The following GSDMC variants were observed in gnomAD, a reference collection of about 807,000 sequenced individuals.
GSDMC encodes gasdermin C.
In GSDMC, 59 loss-of-function variants were observed where a neutral mutation model predicts 58.0. The observed-to-expected ratio is 1.02, with a 90% CI of 0.82 to 1.26. GSDMC has a LOEUF of 1.26. Ranked by LOEUF, GSDMC falls within the 50% of genes most tolerant of loss-of-function variation. The pLI is 0.00. For synonymous variants in GSDMC, 241 were observed against 220.2 expected, an observed-to-expected ratio of 1.09 and a Z score of -0.83; for missense variants, 659 against 598.5, an observed-to-expected ratio of 1.10 and a Z score of -1.06.
chr8:129,708,783 T>A, the GSDMC span, among the ~76,000 whole-genome samples: 5 of 152,250 alleles, frequency 3.3e-5, no homozygotes, highest in Admixed American at 3.3e-4. Flanking sequence ...CTGAAATGCC[T>A]CTTCTAGCAC....
the GSDMC span, among the ~76,000 whole-genome samples, chr8:129,707,540 T>C: frequency 6.6e-6 from 1 of 152,216 alleles, no homozygotes; most frequent in South Asian, 2.1e-4. Flanking sequence ...TATAAGAGCA[T>C]TTAACTCAAA....
At chr8:129,762,586 C>G (rs1297445538) in intron 5 of GSDMC, 40 bp downstream of exon 5, 1 of 1,191,242 alleles carries the variant, frequency 8.4e-7, no homozygotes, top group Non-Finnish European at 1.3e-6. Context: ...CAGACACCCC[C>G]TCCACTGCCA....
At chr8:129,706,366 G>A in the GSDMC span, among the ~76,000 whole-genome samples, 1 of 152,148 alleles carries the variant, frequency 6.6e-6, no homozygotes, top group East Asian at 1.9e-4. Context: ...GGAAGAAAAG[G>A]AAAAACATGA....
At chr8:129,724,811 C>G in the GSDMC span, among the ~76,000 whole-genome samples, 2 of 151,964 alleles carry the variant, frequency 1.3e-5, no homozygotes, top group Non-Finnish European at 2.9e-5. Flanking sequence ...TGGGAGGGAG[C>G]TACCTATAGA....
At position 129,748,643 on chromosome 8, in the gene GSDMC, G is replaced by A. The variant is rs1204954355; in HGVS notation, c.1385C>T (p.Ala462Val). Residue 462 changes from alanine to valine, a missense_variant, in exon 14 of 14, where the codon GCC (alanine) becomes GTC (valine). By Grantham distance (64) the Ala-to-Val change is moderately conservative (BLOSUM62 0). Coordinates refer to ENST00000276708, the MANE Select transcript of GSDMC (RefSeq NM_031415.3). ...LLAPLQSEGL[A>V]ITYGLLEECG... ...CTCCTCCAGCAGGCCATAGGTGATG[G>A]CCAAACCCTCACTCTGGAGTGGGGC... 6.2e-7 allele frequency: 1 copy of A among 1,611,686 alleles called. No homozygotes were observed. The highest frequency in any genetic ancestry group is 1.3e-5 in the African/African-American group (1 of 74,862).
chr8:129,774,293 A>T (rs2034153256), intron 3 of GSDMC, among the ~76,000 whole-genome samples: 1 of 152,160 alleles, frequency 6.6e-6, no homozygotes, highest in Non-Finnish European at 1.5e-5. Flanking sequence ...AAGAAAAGAC[A>T]GTGAGATAAA....
chr8:129,746,536 A>G (rs913417713), downstream of GSDMC, among the ~76,000 whole-genome samples: 1 of 152,242 alleles, frequency 6.6e-6, no homozygotes, highest in African/African-American at 2.4e-5. Flanking sequence ...TTATTATAAG[A>G]GGAAATTTTC....
At chr8:129,758,009 G>T (rs2033508907) in intron 6 of GSDMC, among the ~76,000 whole-genome samples, 2 of 151,966 alleles carry the variant, frequency 1.3e-5, no homozygotes, top group Middle Eastern at 3.4e-3. Flanking sequence ...GAAAAGAAAA[G>T]AATTCATTAT....
At chr8:129,759,830 T>A (rs1036786224) in intron 6 of GSDMC, among the ~76,000 whole-genome samples, 1 of 151,984 alleles carries the variant, frequency 6.6e-6, no homozygotes, top group Admixed American at 6.6e-5. Context: ...AAAACTAGAG[T>A]TACCATATGA....
At chr8:129,765,320 C>A (rs1035505869) in intron 4 of GSDMC, among the ~76,000 whole-genome samples, 2 of 152,070 alleles carry the variant, frequency 1.3e-5, no homozygotes, top group African/African-American at 4.8e-5. Context: ...AACACAGTGG[C>A]CACTCATTTG....
At chr8:129,758,278 T>C (rs2033521097) in intron 6 of GSDMC, among the ~76,000 whole-genome samples, 1 of 152,066 alleles carries the variant, frequency 6.6e-6, no homozygotes, top group Non-Finnish European at 1.5e-5. Context: ...TGGGGAAAAA[T>C]TGAAAGCCTT....
intron 3 of GSDMC, among the ~76,000 whole-genome samples, chr8:129,769,365 A>G (rs940009407): frequency 5.9e-5 from 9 of 152,222 alleles, no homozygotes; most frequent in Non-Finnish European, 1.0e-4. Context: ...AGGATGATAT[A>G]TTCAAGATAC....
rs148322815 is a variant in GSDMC at position 129,761,249 on chromosome 8, C to A, written c.677-660G>T. The stretch of plus-strand genomic sequence containing the variant: ...ACTGACACCAATTCATCTTCACCCT[C>A]TCCAGTTCATCAGGATCTTTCCCCT... On this transcript the variant is annotated intron_variant, in intron 5 of 13. Coordinates refer to ENST00000276708, the MANE Select transcript of GSDMC (RefSeq NM_031415.3). 3.6e-4 allele frequency among the ~76,000 whole-genome samples: 55 copies of A among 152,292 alleles called. No individual in the cohort carries two copies. The South Asian group carries it at 7.5e-3, about 21-fold the overall frequency.
the GSDMC span, among the ~76,000 whole-genome samples, chr8:129,718,736 T>C: frequency 7.9e-5 from 12 of 152,186 alleles, no homozygotes; most frequent in Non-Finnish European, 1.6e-4. Flanking sequence ...TGCACACATA[T>C]GTTTACTGCA....
chr8:129,723,460 G>C, the GSDMC span, among the ~76,000 whole-genome samples: 4 of 141,726 alleles, frequency 2.8e-5, no homozygotes, highest in East Asian at 8.1e-4. Flanking sequence ...TAGAGACAGG[G>C]TTTCAACATC....
rs923588981 is a variant in GSDMC, at chr8:129,776,343, G to T, written c.221-58C>A. On this transcript the variant is annotated intron_variant, in intron 2 of 13. Coordinates refer to ENST00000276708, the MANE Select transcript of GSDMC (RefSeq NM_031415.3). The stretch of plus-strand genomic sequence containing the variant: ...CAAGAATTCATTCAAGAATTCAAAG[G>T]TTTAGCCAAGAACAGCTGGTGTGCA... 24 of 1,385,506 alleles carry T rather than the reference G, an allele frequency of 1.7e-5. 1 individual carries two copies. In the East Asian group the frequency reaches 5.1e-4, roughly 29 times the overall value. 85.8% of individuals were successfully genotyped at this position (1,385,506 alleles called of 1,614,324 possible).
intron 3 of GSDMC, among the ~76,000 whole-genome samples, chr8:129,767,539 ATGTGGGCTC>A (rs377713261): frequency 0.19 from 29,475 of 152,140 alleles, 2,955 homozygotes; most frequent in African/African-American, 0.22. Flanking sequence ...AGAGCTACAC[ATGTGGGCTC>A]TGTGGGACAC....
chr8:129,770,305 A>G (rs6981982), intron 3 of GSDMC, among the ~76,000 whole-genome samples: 29,446 of 152,060 alleles, frequency 0.19, 2,954 homozygotes, highest in African/African-American at 0.22. Context: ...GACCAGCCTG[A>G]CTAATATGGC....
the GSDMC span, among the ~76,000 whole-genome samples, chr8:129,711,644 T>C: frequency 2.6e-5 from 4 of 152,202 alleles, no homozygotes; most frequent in African/African-American, 9.6e-5. Flanking sequence ...CACAATGAGA[T>C]ACAAAAGGAG....
Sources: allele counts gnomAD v4.1 joint callset (sites outside exome capture counted in the v4.1 genomes callset), GRCh38; gene constraint gnomAD v4.1.1; transcripts MANE v1.5; gene names NCBI Gene and HGNC (gene_info 2026-07-23, HGNC 2026-07-21).